The following THBS3 variants were observed in gnomAD, a reference collection of about 807,000 sequenced individuals.
THBS3 encodes the protein thrombospondin 3, also known as thrombospondin-3.
THBS3 carries 78 observed loss-of-function variants against 118.3 expected under a neutral mutation model. The ratio of observed to expected loss-of-function variants is 0.66; its 90% confidence interval spans 0.55 to 0.80. The LOEUF (loss-of-function observed/expected upper bound fraction) is 0.80. Ranked by LOEUF, THBS3 falls within the 30% of genes least tolerant of loss-of-function variation. THBS3 has a pLI of 0.00. For missense variants in THBS3, 1,057 were observed against 1,247.4 expected, an observed-to-expected ratio of 0.85 and a Z score of 2.30; for synonymous variants, 427 against 475.3, an observed-to-expected ratio of 0.90 and a Z score of 1.32.
Position 155,195,730 on chromosome 1 carries a change from G to T in THBS3, c.*111C>A. 8.3e-7 allele frequency: 1 copy of T among 1,202,746 alleles called. No individual in the cohort carries two copies. Among genetic ancestry groups the T allele is most frequent in the Non-Finnish European group, 1.2e-6 (1 of 842,794 alleles). 74.5% of individuals were successfully genotyped at this position (1,202,746 alleles called of 1,614,324 possible). On this transcript the variant is annotated 3_prime_UTR_variant, in exon 23 of 23. Coordinates refer to ENST00000368378, the MANE Select transcript of THBS3 (RefSeq NM_007112.5). ...GACTGAACTCCTTTTGGGAGCCAGA[G>T]AAGGGTCTGTGGTTGGCTGAGGGGC...
chr1:155,208,701 G>C, upstream of THBS3: 21 of 888,614 alleles, frequency 2.4e-5, no homozygotes, highest in Admixed American at 3.2e-5. Context: ...CCCCACCCAA[G>C]CCCCAGCCCG....
In THBS3 at chr1:155,196,107, G is replaced by A; in HGVS notation, c.2692C>T (p.Pro898Ser). 6.2e-7 allele frequency: 1 copy of A among 1,614,156 alleles called. No homozygotes were observed. The highest frequency in any genetic ancestry group is 8.5e-7 in the Non-Finnish European group (1 of 1,180,040). ...ACCCCAGAATCCGCCACAAGCTGGG[G>A]TCCCTCATAGAGCTTCACCCTGTCC... is the stretch of plus-strand genomic sequence containing the variant. ...GYIRVKLYEG[P>S]QLVADSGVII... The change falls in exon 22 of 23, where the codon CCC becomes TCC. Residue 898 changes from proline to serine, a missense_variant. Physicochemically the swap from Pro to Ser is moderately conservative, Grantham distance 74. Around this residue, in one of 3 missense-constraint regions of THBS3, gnomAD observed 307 missense variants for 326.1 expected, o/e 0.94. Transcript: ENST00000368378.
chr1:155,196,059 C>G lies in THBS3; in HGVS notation c.2740G>C (p.Gly914Arg). 6.2e-7 allele frequency: 1 copy of G among 1,614,180 alleles called. No individual in the cohort carries two copies. Among genetic ancestry groups the G allele is most frequent in the Non-Finnish European group, 8.5e-7 (1 of 1,180,034 alleles). ...SGVIIDTSMR[G>R]GRLGVFCFSQ... ...AAGCAGAATACACCAAGACGCCCCCCTCGCATGGATGTGTCAATGATCACC... is the reference window on the plus strand; with the variant it reads ...AAGCAGAATACACCAAGACGCCCCCGTCGCATGGATGTGTCAATGATCACC... Residue 914 changes from glycine to arginine, a missense_variant, in exon 22 of 23, where the codon GGG becomes CGG. Coordinates refer to ENST00000368378, the MANE Select transcript of THBS3 (RefSeq NM_007112.5).
At chr1:155,196,392 A>G in intron 21 of THBS3, 1 of 522,166 alleles carries the variant, frequency 1.9e-6, no homozygotes, top group East Asian at 3.2e-5. Context: ...CATGACAATA[A>G]GCACAATGGG....
At chr1:155,207,147 C>T (rs558664645) in intron 1 of THBS3, among the ~76,000 whole-genome samples, 2 of 152,328 alleles carry the variant, frequency 1.3e-5, no homozygotes, top group East Asian at 3.9e-4. Context: ...TTCCCCTCCT[C>T]CCATCCTAGG....
At chr1:155,199,169 G>A (rs1669228175) in intron 16 of THBS3, among the ~76,000 whole-genome samples, 1 of 151,692 alleles carries the variant, frequency 6.6e-6, no homozygotes, top group Non-Finnish European at 1.5e-5. Flanking sequence ...CCAGCACTTT[G>A]GGAGGCTGAG....
rs769699833 is a variant in THBS3, at chr1:155,197,701, C to T, written c.2303-42G>A. 1.2e-6 allele frequency: 2 copies of T among 1,606,340 alleles called. No individual in the cohort carries two copies. Among genetic ancestry groups the T allele is most frequent in the Non-Finnish European group, 1.7e-6 (2 of 1,174,002 alleles). On this transcript the variant is annotated intron_variant, in intron 19 of 22. Coordinates refer to ENST00000368378, the MANE Select transcript of THBS3 (RefSeq NM_007112.5). The surrounding 1 kb of genome is among the most constrained non-coding windows in gnomAD (Gnocchi z 5.0). ...ATAAAGGTCAGGGGCAGCAAAGCTA[C>T]TGGCGGCCCATCATGGGGTAAAGTT...
In THBS3 at chr1:155,198,107, G is replaced by C. The variant is rs1405264189; in HGVS notation, c.2188C>G (p.Gln730Glu). ...EVTLTDFRAY[Q>E]TVVLDPEGDA... ...CCCTCAGGATCCAGGACGACGGTCT[G>C]ATAGGCCCGAAAATCCGTAAGCGTT... The change falls in exon 18 of 23, where the codon CAG becomes GAG. Residue 730 changes from glutamine to glutamate, a missense_variant. By Grantham distance (29) the Gln-to-Glu change is conservative. Coordinates refer to ENST00000368378, the MANE Select transcript of THBS3 (RefSeq NM_007112.5). 6.2e-7 allele frequency: 1 copy of C among 1,614,172 alleles called. No homozygotes were observed. The highest frequency in any genetic ancestry group is 1.1e-5 in the South Asian group (1 of 91,082).
At chr1:155,204,763 G>A (rs777358843) in intron 4 of THBS3, 92 bp downstream of exon 4, 2 of 1,170,294 alleles carry the variant, frequency 1.7e-6, no homozygotes, top group Non-Finnish European at 2.6e-6. Context: ...CCAAAGGAAT[G>A]GGTTTTAAGG....
At position 155,195,861 on chromosome 1, in the gene THBS3, G is replaced by C. The variant is rs749053301; in HGVS notation, c.2851C>G (p.Leu951Val). The stretch of plus-strand genomic sequence containing the variant: ...CCTCCTCACACCCTTCCCTGGAGCA[G>C]CTGCCTCCGGAATGGCTCAAAGTCC... ...PEDFEPFRRQ[L>V]LQGRV The change falls in exon 23 of 23, where the codon CTG becomes GTG. Residue 951 changes from leucine (L) to valine (V), a missense_variant. Physicochemically the swap from Leu to Val is conservative, Grantham distance 32. Coordinates refer to ENST00000368378, the MANE Select transcript of THBS3 (RefSeq NM_007112.5). 23 of 1,613,946 alleles carry C rather than the reference G, an allele frequency of 1.4e-5. No individual in the cohort carries two copies. The South Asian group carries it at 2.4e-4, about 17-fold the overall frequency.
chr1:155,196,222 C>G (rs1350420982), intron 21 of THBS3, 96 bp from the exon 22 acceptor site: 2 of 1,414,458 alleles, frequency 1.4e-6, no homozygotes, highest in African/African-American at 2.8e-5. Flanking sequence ...CCCAGCCCCC[C>G]TTGAGCTCAC....
Position 155,196,141 on chromosome 1 carries a change from A to T in THBS3, c.2673-15T>A. 6.2e-7 allele frequency: 1 copy of T among 1,613,690 alleles called. No individual in the cohort carries two copies. On this transcript the variant is annotated splice_polypyrimidine_tract_variant and intron_variant, in intron 21 of 22. Coordinates refer to ENST00000368378, the MANE Select transcript of THBS3 (RefSeq NM_007112.5). ...AGAGCTTCACCCTGTCCAGGATTCC[A>T]GGATAGGAGTATCCATTGGTGCTAG...
At chr1:155,201,927 C>T (rs1669799462) in intron 10 of THBS3, 30 bp downstream of exon 10, 1 of 1,613,458 alleles carries the variant, frequency 6.2e-7, no homozygotes, top group South Asian at 1.1e-5. Context: ...TTCCCACCAC[C>T]CCAGAATACA....
At chr1:155,196,290 G>C (rs944694309) in intron 21 of THBS3, 164 bp from the exon 22 acceptor site, 43 of 857,026 alleles carry the variant, frequency 5.0e-5, no homozygotes, top group Non-Finnish European at 7.1e-5. Context: ...GGGAAGGGGG[G>C]TGCTTTTCTC....
At chr1:155,201,697 G>T in intron 10 of THBS3, 128 bp from the exon 11 acceptor site, 1 of 1,132,032 alleles carries the variant, frequency 8.8e-7, no homozygotes, top group Non-Finnish European at 1.3e-6. Flanking sequence ...ATCTCCTTTA[G>T]GTTATCATGA....
chr1:155,204,724 CAG>C (rs1670293260), intron 4 of THBS3, 129 bp downstream of exon 4: 5 of 827,112 alleles, frequency 6.0e-6, no homozygotes, highest in Non-Finnish European at 1.0e-5. Context: ...TTTGGAATAA[CAG>C]GGTTAGAAAC....
In THBS3 at chr1:155,197,537, A is replaced by C. The variant is rs1198225264; in HGVS notation, c.2425T>G (p.Trp809Gly). ...QDSGRFYVVM[W>G]KQTEQTYWQA... ...CAGTAGGTCTGCTCGGTCTGCTTCC[A>C]CATGACTACGTAGAAGCGGCCACTG... Residue 809 changes from tryptophan (W) to glycine (G), a missense_variant, in exon 20 of 23, where the codon TGG (tryptophan) becomes GGG (glycine). Trp to Gly is a radical substitution (Grantham distance 184). Coordinates refer to ENST00000368378, the MANE Select transcript of THBS3 (RefSeq NM_007112.5). This position sits in a 1 kb window ranked among gnomAD's most constrained non-coding sequence, Gnocchi z 5.0. The C allele has an allele frequency of 1.2e-6, 2 of 1,614,146 alleles. No homozygotes were observed. The highest frequency in any genetic ancestry group is 2.2e-5 in the South Asian group (2 of 91,084).
upstream of THBS3, chr1:155,208,783 A>T: frequency 6.7e-7 from 1 of 1,493,938 alleles, no homozygotes; most frequent in Non-Finnish European, 8.9e-7. Context: ...GCCCGCTCCA[A>T]ACATAACGCG....
chr1:155,208,828 C>G, upstream of THBS3: 1 of 1,577,660 alleles, frequency 6.3e-7, no homozygotes, highest in Non-Finnish European at 8.6e-7. Flanking sequence ...GACCCCCCCG[C>G]AGTCCCCGCT....
Sources: gnomAD v4.1 joint callset for allele counts (sites outside exome capture counted in the v4.1 genomes callset) on GRCh38, gnomAD v4.1.1 for gene constraint, gnomAD v4.1.1 regional missense constraint, Gnocchi (gnomAD v3.1) non-coding constraint, MANE v1.5 for transcripts, NCBI Gene and HGNC (gene_info 2026-07-23, HGNC 2026-07-21) for gene names.